The following GREB1L variants were observed in gnomAD, a reference collection of about 807,000 sequenced individuals.
GREB1L encodes GREB1 like retinoic acid receptor coactivator.
GREB1L carries 17 observed loss-of-function variants against 200.8 expected under a neutral mutation model. That is an observed-to-expected ratio of 0.08 (90% CI 0.06 to 0.13). The LOEUF (loss-of-function observed/expected upper bound fraction) is 0.13, where lower values mean the gene tolerates loss of function less well. Among genes scored for constraint, GREB1L ranks in the 10% least tolerant of loss-of-function variants. GREB1L has a pLI of 1.00. For missense variants in GREB1L, 1,657 were observed against 2,367.7 expected (o/e 0.70, Z 6.23); for synonymous variants, 789 against 893.0 (o/e 0.88, Z 2.08).
chr18:21,471,279 T>C (rs754238731), intron 15 of GREB1L, among the ~76,000 whole-genome samples: 3 of 152,236 alleles, frequency 2.0e-5, no homozygotes, highest in Non-Finnish European at 4.4e-5. Flanking sequence ...ATGGCTTAAC[T>C]CACGCTGCTT....
chr18:21,314,683 T>G (rs2038841408), intron 1 of GREB1L, among the ~76,000 whole-genome samples: 1 of 152,224 alleles, frequency 6.6e-6, no homozygotes, highest in African/African-American at 2.4e-5. Context: ...ACAGTACATA[T>G]TTTAGGCTTT....
intron 20 of GREB1L, among the ~76,000 whole-genome samples, chr18:21,496,163 C>CA (rs2036536745): frequency 6.6e-6 from 1 of 152,142 alleles, no homozygotes; most frequent in African/African-American, 2.4e-5. Context: ...TAGCTGAATG[C>CA]TTACTGTGCG....
intron 17 of GREB1L, among the ~76,000 whole-genome samples, chr18:21,480,893 A>T (rs1876040377): frequency 6.6e-6 from 1 of 151,990 alleles, no homozygotes; most frequent in Non-Finnish European, 1.5e-5. Context: ...GGTGGCGGGC[A>T]ACTGTAATCC....
chr18:21,381,549 T>C (rs1342054341), intron 2 of GREB1L, among the ~76,000 whole-genome samples: 1 of 152,222 alleles, frequency 6.6e-6, no homozygotes, highest in East Asian at 1.9e-4. Context: ...ATAGATAGCA[T>C]ATTTTATGAA....
intron 1 of GREB1L, among the ~76,000 whole-genome samples, chr18:21,282,633 T>C (rs1425555969): frequency 6.6e-6 from 1 of 151,950 alleles, no homozygotes; most frequent in African/African-American, 2.4e-5. Context: ...GGAGTCTTGC[T>C]CTGTCACCCA....
chr18:21,374,901 G>A (rs1326618404), intron 2 of GREB1L, among the ~76,000 whole-genome samples: 1 of 145,678 alleles, frequency 6.9e-6, no homozygotes, highest in Non-Finnish European at 1.5e-5. Context: ...CAGCCAGGCT[G>A]GAGTGCAGTG....
chr18:21,436,054 T>A (rs2033516722), intron 7 of GREB1L, among the ~76,000 whole-genome samples: 1 of 151,874 alleles, frequency 6.6e-6, no homozygotes, highest in Non-Finnish European at 1.5e-5. Context: ...GAAGAAGGGG[T>A]CTCAATAGAC....
intron 21 of GREB1L, 92 bp from the exon 22 acceptor site, chr18:21,499,637 A>C: frequency 1.2e-6 from 1 of 858,486 alleles, no homozygotes; most frequent in Non-Finnish European, 1.8e-6. Flanking sequence ...AGCCGAGCCC[A>C]GTGTCCACTG....
intron 1 of GREB1L, among the ~76,000 whole-genome samples, chr18:21,313,000 T>A (rs1033621480): frequency 2.0e-5 from 3 of 152,168 alleles, no homozygotes; most frequent in Admixed American, 1.3e-4. Flanking sequence ...TCATGTCATT[T>A]GCCCACTTTT....
intron 15 of GREB1L, among the ~76,000 whole-genome samples, chr18:21,456,356 A>T (rs2034764376): frequency 2.0e-5 from 3 of 152,336 alleles, no homozygotes; most frequent in African/African-American, 7.2e-5. Flanking sequence ...CACAAAGGAT[A>T]AATACTTCAG....
At chr18:21,429,145 TCCTCCCTTC>T (rs1568002623) in intron 7 of GREB1L, among the ~76,000 whole-genome samples, 1 of 107,674 alleles carries the variant, frequency 9.3e-6, no homozygotes, top group Non-Finnish European at 1.8e-5. Flanking sequence ...CTTCCTTCCT[TCCTCCCTTC>T]CCTCCCTCCC....
At chr18:21,293,411 TA>T (rs2038480336) in intron 1 of GREB1L, among the ~76,000 whole-genome samples, 1 of 152,206 alleles carries the variant, frequency 6.6e-6, no homozygotes, top group South Asian at 2.1e-4. Flanking sequence ...TTATTTTATG[TA>T]ATGAAGTGTT....
rs1001477330 is a variant in GREB1L at position 21,473,096 on chromosome 18, G to C, written c.2248G>C (p.Val750Leu). 1 of 1,550,884 alleles carries C rather than the reference G, an allele frequency of 6.4e-7. No individual in the cohort carries two copies. The highest frequency in any genetic ancestry group is 2.0e-5 in the Admixed American group (1 of 50,930). ...TAHQRAEKYV[V>L]RLDNEIQTKF... ...CCATCAGAGAGCAGAAAAATATGTT[G>C]TTCGTCTAGACAATGAGATTCAAAC... Residue 750 changes from valine (V) to leucine (L), a missense_variant, in exon 16 of 33, where the codon GTT becomes CTT. Val to Leu is a conservative substitution (Grantham distance 32). Transcript: ENST00000424526.
rs1264548454 is a variant in GREB1L, at chr18:21,426,983, AAAAAC to A, written c.833-12533_833-12529del. Reference sequence around the variant, plus strand: ...CAAAAAAAAAAAAAACAAAAAAAAAAAAAACAAAAAAAAAAAACTGTTTTGGCTAT... The same window carrying A: ...CAAAAAAAAAAAAAACAAAAAAAAAAAAAAAAAAAAAACTGTTTTGGCTAT... On this transcript the variant is annotated intron_variant, in intron 7 of 32. Coordinates refer to ENST00000424526, the MANE Select transcript of GREB1L (RefSeq NM_001142966.3). Among the ~76,000 whole-genome samples, 7 of 95,848 alleles carry A rather than the reference AAAAAC, an allele frequency of 7.3e-5. No individual in the cohort carries two copies. In the East Asian group the frequency reaches 1.7e-3, roughly 23 times the overall value. 62.9% of individuals were successfully genotyped at this position (95,848 alleles called of 152,430 possible). A position where few individuals can be genotyped will look rare whatever the true frequency, so the allele number is the denominator to read the frequency against.
intron 17 of GREB1L, among the ~76,000 whole-genome samples, chr18:21,480,605 G>C (rs192181040): frequency 1.2e-4 from 18 of 152,264 alleles, no homozygotes; most frequent in African/African-American, 4.3e-4. Context: ...GCGTCCTTTA[G>C]TTATATTGAA....
chr18:21,243,559 A>T (rs1038396838), intron 1 of GREB1L, among the ~76,000 whole-genome samples: 1 of 152,218 alleles, frequency 6.6e-6, no homozygotes, highest in African/African-American at 2.4e-5. Context: ...GTTTAAATAC[A>T]GGGAAGAGCT....
intron 7 of GREB1L, among the ~76,000 whole-genome samples, chr18:21,428,853 G>T (rs1472329271): frequency 4.0e-5 from 6 of 151,450 alleles, no homozygotes; most frequent in Non-Finnish European, 8.8e-5. Context: ...GAGTTGCTGA[G>T]ATTACAGGTG....
chr18:21,268,560 C>CACAGATATATATATATATATAT, intron 1 of GREB1L, among the ~76,000 whole-genome samples: 1 of 63,534 alleles, frequency 1.6e-5, no homozygotes, highest in African/African-American at 7.5e-5. Flanking sequence ...CACACACACA[C>CACAGATATATATATATATATAT]ATATATATAT....
At chr18:21,390,140 T>C (rs1184732907) in intron 4 of GREB1L, among the ~76,000 whole-genome samples, 1 of 152,212 alleles carries the variant, frequency 6.6e-6, no homozygotes, top group Non-Finnish European at 1.5e-5. Context: ...TTTGTGGTGA[T>C]GCTGATGTAA....
Sources: gnomAD v4.1 joint callset for allele counts (sites outside exome capture counted in the v4.1 genomes callset) on GRCh38, gnomAD v4.1.1 for gene constraint, MANE v1.5 for transcripts, NCBI Gene and HGNC (gene_info 2026-07-23, HGNC 2026-07-21) for gene names.